The following MOB4 variants were observed in gnomAD, a reference collection of about 807,000 sequenced individuals.
MOB4 encodes MOB family member 4, phocein.
MOB4 carries 4 observed loss-of-function variants against 32.2 expected under a neutral mutation model. The ratio of observed to expected loss-of-function variants is 0.12; its 90% CI spans 0.06 to 0.28. The LOEUF (loss-of-function observed/expected upper bound fraction) is 0.28. Among genes scored for constraint, MOB4 ranks in the 10% least tolerant of loss-of-function variants. The pLI is 1.00. For synonymous variants in MOB4, 88 were observed against 88.1 expected (o/e 1.00, Z 0.01); for missense variants, 158 against 271.2 (o/e 0.58, Z 2.93).
In MOB4 at chr2:197,532,558, C is replaced by T. The variant is rs1026772249; in HGVS notation, c.124-2972C>T. On this transcript the variant is annotated intron_variant, in intron 2 of 7. Coordinates refer to ENST00000323303, the MANE Select transcript of MOB4 (RefSeq NM_015387.5). ...GAATTAGCCAGGTGTTGTGGGCGCA[C>T]GCCTGTAATCCCAGCTACTTGGGAG... Among the ~76,000 whole-genome samples the T allele has an allele frequency of 1.5e-4, 23 of 151,964 alleles. No homozygotes were observed. In the Middle Eastern group the frequency reaches 0.01, roughly 67 times the overall value.
rs185050332 is a variant in MOB4, at chr2:197,525,149, T to C, written c.123+1463T>C. Among the ~76,000 whole-genome samples, 4 of 151,910 alleles carry C rather than the reference T, an allele frequency of 2.6e-5. No individual in the cohort carries two copies. The East Asian group carries it at 7.8e-4, about 30-fold the overall frequency. The stretch of plus-strand genomic sequence containing the variant: ...TCACCAGGTCAGGAGATCGAGACCA[T>C]CCTGGCTAACATGGTGAAACCCCAT... On this transcript the variant is annotated intron_variant, in intron 2 of 7. Transcript: ENST00000323303.
At chr2:197,546,551 A>G (rs1291449928) in intron 5 of MOB4, among the ~76,000 whole-genome samples, 1 of 151,952 alleles carries the variant, frequency 6.6e-6, no homozygotes, top group Non-Finnish European at 1.5e-5. Flanking sequence ...TAGTGCCACC[A>G]TGTCTGGCTA....
chr2:197,515,898 GCT>G, upstream of MOB4: 1 of 586,938 alleles, frequency 1.7e-6, no homozygotes, highest in Non-Finnish European at 2.9e-6. Flanking sequence ...ACGCCGTCCG[GCT>G]GTTCCTCGTT....
intron 3 of MOB4, among the ~76,000 whole-genome samples, chr2:197,537,671 C>T (rs890735803): frequency 1.5e-4 from 23 of 152,144 alleles, no homozygotes; most frequent in African/African-American, 5.3e-4. Context: ...ATTCAAAGTA[C>T]GAGTCTGTAG....
chr2:197,517,159 A>G (rs2086429614), intron 1 of MOB4, among the ~76,000 whole-genome samples: 1 of 152,242 alleles, frequency 6.6e-6, no homozygotes, highest in Non-Finnish European at 1.5e-5. Flanking sequence ...TTACCTCCCC[A>G]GATTCATGTT....
At chr2:197,537,565 A>G (rs1331713752) in intron 3 of MOB4, among the ~76,000 whole-genome samples, 2 of 152,196 alleles carry the variant, frequency 1.3e-5, no homozygotes, top group Non-Finnish European at 2.9e-5. Flanking sequence ...CAGTTCAGCA[A>G]TTTCAGGATG....
intron 2 of MOB4, among the ~76,000 whole-genome samples, chr2:197,529,497 G>A (rs1171110471): frequency 6.6e-6 from 1 of 151,722 alleles, no homozygotes; most frequent in Non-Finnish European, 1.5e-5. Context: ...GACTACAGGT[G>A]CATGCCGCCA....
chr2:197,534,049 CCAT>C (rs2086755286), intron 2 of MOB4: 5 of 439,448 alleles, frequency 1.1e-5, no homozygotes, highest in South Asian at 7.5e-5. Context: ...GAAAATGTCA[CCAT>C]CATCTGGACA....
chr2:197,520,427 G>A (rs187025175), intron 1 of MOB4, among the ~76,000 whole-genome samples: 227 of 152,028 alleles, frequency 1.5e-3, no homozygotes, highest in Admixed American at 9.1e-3. Flanking sequence ...CACCGCGCCC[G>A]GCCTAAACTT....
At chr2:197,549,210 A>G (rs1036081497) in intron 6 of MOB4, among the ~76,000 whole-genome samples, 1 of 151,994 alleles carries the variant, frequency 6.6e-6, no homozygotes. Flanking sequence ...CCTGGGCAAC[A>G]AGAGCGAAAC....
chr2:197,531,265 C>G (rs1039455140), intron 2 of MOB4, among the ~76,000 whole-genome samples: 2 of 151,702 alleles, frequency 1.3e-5, no homozygotes, highest in African/African-American at 4.8e-5. Context: ...AGGATGGTTT[C>G]GATCTCCTGA....
chr2:197,533,397 G>A (rs1234854495), intron 2 of MOB4, among the ~76,000 whole-genome samples: 1 of 152,118 alleles, frequency 6.6e-6, no homozygotes, highest in African/African-American at 2.4e-5. Context: ...AAAAATCAGG[G>A]AGAGTGGTTT....
intron 2 of MOB4, among the ~76,000 whole-genome samples, chr2:197,525,358 AAAAGT>A (rs2086593571): frequency 6.6e-6 from 1 of 152,074 alleles, no homozygotes; most frequent in South Asian, 2.1e-4. Flanking sequence ...AAAAAAAAAA[AAAAGT>A]AGACAGCTAT....
At chr2:197,548,210 A>G in intron 5 of MOB4, 126 bp from the exon 6 acceptor site, 1 of 591,028 alleles carries the variant, frequency 1.7e-6, no homozygotes, top group Admixed American at 3.9e-5. Context: ...AGCATTCGGA[A>G]ATTGTAAGGA....
chr2:197,528,492 A>G (rs1005833820), intron 2 of MOB4, among the ~76,000 whole-genome samples: 2 of 151,898 alleles, frequency 1.3e-5, no homozygotes, highest in African/African-American at 4.8e-5. Context: ...TTTTACTTTC[A>G]CTTGTCAAAC....
intron 1 of MOB4, among the ~76,000 whole-genome samples, chr2:197,520,893 T>TAAAA (rs77272123): frequency 1.9e-5 from 2 of 107,884 alleles, no homozygotes; most frequent in Admixed American, 1.0e-4. Flanking sequence ...CCTCGTCTCT[T>TAAAA]AAAAAAAAAA....
At chr2:197,549,409 T>C (rs528021562) in intron 6 of MOB4, among the ~76,000 whole-genome samples, 101 of 152,298 alleles carry the variant, frequency 6.6e-4, no homozygotes, top group Non-Finnish European at 1.3e-3. Flanking sequence ...CCACCAAATA[T>C]GATTAGCTTC....
intron 5 of MOB4, among the ~76,000 whole-genome samples, chr2:197,543,906 A>G (rs1276378054): frequency 6.6e-6 from 1 of 151,884 alleles, no homozygotes; most frequent in Non-Finnish European, 1.5e-5. Flanking sequence ...CGCCTGACTA[A>G]TTTTTGTATT....
chr2:197,532,803 G>C (rs9677786), intron 2 of MOB4, among the ~76,000 whole-genome samples: 3,478 of 152,080 alleles, frequency 0.023, 122 homozygotes, highest in African/African-American at 0.081. Context: ...GCTACTAAGA[G>C]TTCTAGCCAT....
Sources: gnomAD v4.1 joint callset for allele counts (sites outside exome capture counted in the v4.1 genomes callset) on GRCh38, gnomAD v4.1.1 for gene constraint, MANE v1.5 for transcripts, NCBI Gene and HGNC (gene_info 2026-07-23, HGNC 2026-07-21) for gene names.